GUCY1A2: variants seen among roughly 807,000 people sequenced by gnomAD.
GUCY1A2 encodes guanylate cyclase 1 soluble subunit alpha 2.
In GUCY1A2, 27 loss-of-function variants were observed where a neutral mutation model predicts 63.5. The observed-to-expected ratio is 0.43, with a 90% CI of 0.31 to 0.59. GUCY1A2 has a LOEUF of 0.59. Among genes scored for constraint, GUCY1A2 ranks in the 20% least tolerant of loss-of-function variants. GUCY1A2 has a pLI of 0.11. For synonymous variants in GUCY1A2, 364 were observed against 343.5 expected, an observed-to-expected ratio of 1.06 and a Z score of -0.66; for missense variants, 768 against 913.3, an observed-to-expected ratio of 0.84 and a Z score of 2.05.
Position 106,682,594 on chromosome 11 carries a change from A to G in GUCY1A2, c.*4955T>C, listed in dbSNP as rs750561773. 3 of 212,518 alleles carry G rather than the reference A, an allele frequency of 1.4e-5. No individual in the cohort carries two copies. Among genetic ancestry groups the G allele is most frequent in the African/African-American group, 4.5e-5 (2 of 44,206 alleles). 13.2% of individuals were successfully genotyped at this position (212,518 alleles called of 1,614,324 possible). A position where few individuals can be genotyped will look rare whatever the true frequency, so the allele number is the denominator to read the frequency against. On this transcript the variant is annotated 3_prime_UTR_variant, in exon 8 of 8. Transcript: ENST00000526355. ...ACTGAAACCGTGATCTGGTTATAAC[A>G]TATTAGAAATAAAGACACAAACTTT... is the stretch of plus-strand genomic sequence containing the variant.
At chr11:106,829,454 G>T (rs1859021890) in intron 4 of GUCY1A2, among the ~76,000 whole-genome samples, 1 of 152,092 alleles carries the variant, frequency 6.6e-6, no homozygotes, top group Non-Finnish European at 1.5e-5. Flanking sequence ...CTGATCACAT[G>T]GTCTCTCAGG....
rs1355159941 is a variant in GUCY1A2, at chr11:106,675,152, TAATC to T, written c.*12393_*12396del. ...ATATGTATTATTTCTGGAATGCACTTAATCAGTATTTTAAAAGCATAATGAGACA... is the reference window on the plus strand; with the variant it reads ...ATATGTATTATTTCTGGAATGCACTTAGTATTTTAAAAGCATAATGAGACA... On this transcript the variant is annotated 3_prime_UTR_variant, in exon 8 of 8. Coordinates refer to ENST00000526355, the MANE Select transcript of GUCY1A2 (RefSeq NM_000855.3). 1 of 211,930 alleles carries T rather than the reference TAATC, an allele frequency of 4.7e-6. No individual in the cohort carries two copies. Among genetic ancestry groups the T allele is most frequent in the African/African-American group, 2.3e-5 (1 of 44,192 alleles). The allele number at this position is 211,930 out of a possible 1,614,324, so 13.1% of individuals were successfully genotyped here.
chr11:106,778,609 G>A (rs573149122), intron 5 of GUCY1A2, among the ~76,000 whole-genome samples: 3 of 151,926 alleles, frequency 2.0e-5, no homozygotes, highest in Admixed American at 6.6e-5. Context: ...TGCAGTGAGC[G>A]GAGATCACGC....
intron 6 of GUCY1A2, among the ~76,000 whole-genome samples, chr11:106,720,823 GA>G (rs550879021): frequency 9.7e-4 from 148 of 152,140 alleles, no homozygotes; most frequent in African/African-American, 3.3e-3. Context: ...AACATTAGGG[GA>G]AAATTAAGAA....
intron 4 of GUCY1A2, among the ~76,000 whole-genome samples, chr11:106,817,134 C>A (rs568828279): frequency 6.6e-6 from 1 of 151,918 alleles, no homozygotes; most frequent in African/African-American, 2.4e-5. Context: ...AAGTTAATGA[C>A]GAAATAATTC....
chr11:106,779,120 T>C (rs998788290), intron 5 of GUCY1A2, among the ~76,000 whole-genome samples: 1 of 152,144 alleles, frequency 6.6e-6, no homozygotes, highest in South Asian at 2.1e-4. Context: ...GCAAAACTTA[T>C]CACTTGATCA....
Position 106,676,960 on chromosome 11 carries a change from T to C in GUCY1A2, c.*10589A>G, listed in dbSNP as rs543223124. The C allele has an allele frequency of 9.5e-6, 2 of 211,128 alleles. No homozygotes were observed. The highest frequency in any genetic ancestry group is 3.7e-4 in the South Asian group (2 of 5,340). The allele number at this position is 211,128 out of a possible 1,614,324, so 13.1% of individuals were successfully genotyped here. On this transcript the variant is annotated 3_prime_UTR_variant, in exon 8 of 8. Transcript: ENST00000526355. ...AGATTTTTATAGACCCACATTTCTCTTGACTGACAGTCTCTGGAAGTCAAG... is the reference window on the plus strand; with the variant it reads ...AGATTTTTATAGACCCACATTTCTCCTGACTGACAGTCTCTGGAAGTCAAG...
chr11:106,931,109 A>T (rs1002883551), intron 4 of GUCY1A2, among the ~76,000 whole-genome samples: 1 of 152,234 alleles, frequency 6.6e-6, no homozygotes, highest in Non-Finnish European at 1.5e-5. Context: ...ACTGCATAGG[A>T]AGTACCTTTT....
chr11:106,940,005 C>T lies in GUCY1A2; in HGVS notation c.661G>A (p.Glu221Lys), dbSNP rs1860731857. ...TCTTTGCATAGGAAAGATGGTGACT[C>T]CAGAGTGGCCTGTTTTCCAAAAGAA... ...RTSFGKQATL[E>K]SPSFLCKELP... Residue 221 changes from glutamate to lysine, a missense_variant, in exon 4 of 8, where the codon GAG becomes AAG. Physicochemically the swap from Glu to Lys is moderately conservative, Grantham distance 56. This residue lies in a region of GUCY1A2 where 496 missense variants were observed against 486.9 expected (regional missense o/e 1.02). Transcript: ENST00000526355. 6 of 1,613,904 alleles carry T rather than the reference C, an allele frequency of 3.7e-6. No homozygotes were observed. Among genetic ancestry groups the T allele is most frequent in the South Asian group, 1.1e-5 (1 of 91,090 alleles).
At chr11:106,959,148 A>G (rs1861028158) in intron 3 of GUCY1A2, among the ~76,000 whole-genome samples, 1 of 152,214 alleles carries the variant, frequency 6.6e-6, no homozygotes, top group Non-Finnish European at 1.5e-5. Flanking sequence ...TCATTATGTC[A>G]TTATCCCACT....
chr11:106,865,254 A>G (rs1254269586), intron 4 of GUCY1A2, among the ~76,000 whole-genome samples: 1 of 152,110 alleles, frequency 6.6e-6, no homozygotes, highest in Middle Eastern at 3.4e-3. Context: ...CTCTTTTATC[A>G]TTTTTTATTG....
At chr11:106,738,154 G>A (rs896950044) in intron 6 of GUCY1A2, among the ~76,000 whole-genome samples, 2 of 152,174 alleles carry the variant, frequency 1.3e-5, no homozygotes, top group Non-Finnish European at 2.9e-5. Context: ...CAGTGATGAT[G>A]AGCTTTTTTT....
intron 3 of GUCY1A2, among the ~76,000 whole-genome samples, chr11:106,958,218 A>C (rs1002578515): frequency 6.6e-6 from 1 of 152,184 alleles, no homozygotes; most frequent in Non-Finnish European, 1.5e-5. Context: ...ACATTGATTC[A>C]TGAAGCCATC....
intron 7 of GUCY1A2, among the ~76,000 whole-genome samples, chr11:106,704,948 C>T (rs925616847): frequency 1.3e-5 from 2 of 151,128 alleles, no homozygotes; most frequent in Non-Finnish European, 2.9e-5. Context: ...ATTATGTGCA[C>T]TATTTAAAAT....
At position 106,988,807 on chromosome 11, in the gene GUCY1A2, C is replaced by T. The variant is rs144730651; in HGVS notation, c.304-2676G>A. Among the ~76,000 whole-genome samples, 289 of 152,246 alleles carry T rather than the reference C, an allele frequency of 1.9e-3. 4 individuals are homozygous for T. Among genetic ancestry groups the T allele is most frequent in the African/African-American group, 6.6e-3 (274 of 41,550 alleles). ...GACTTCAACACAGCCCTGGCCCCTC[C>T]GAATATCTTATCACCATGGATTCAT... is the stretch of plus-strand genomic sequence containing the variant. On this transcript the variant is annotated intron_variant, in intron 1 of 7. Coordinates refer to ENST00000526355, the MANE Select transcript of GUCY1A2 (RefSeq NM_000855.3).
At chr11:106,940,909 T>C (rs1323204295) in intron 3 of GUCY1A2, among the ~76,000 whole-genome samples, 3 of 152,202 alleles carry the variant, frequency 2.0e-5, no homozygotes, top group Non-Finnish European at 4.4e-5. Flanking sequence ...ACATCCATAT[T>C]ATCATCTTAC....
intron 5 of GUCY1A2, among the ~76,000 whole-genome samples, chr11:106,792,183 C>T (rs546823578): frequency 9.3e-4 from 141 of 152,010 alleles, no homozygotes; most frequent in African/African-American, 3.2e-3. Context: ...GTCAGGAGTT[C>T]GAGACCAGCT....
chr11:106,906,986 A>G (rs989099212), intron 4 of GUCY1A2, among the ~76,000 whole-genome samples: 2 of 152,134 alleles, frequency 1.3e-5, no homozygotes, highest in African/African-American at 4.8e-5. Context: ...CTTAATATAG[A>G]TGACAGGTTG....
At chr11:106,809,870 A>C in intron 5 of GUCY1A2, 123 bp downstream of exon 5, 1 of 638,170 alleles carries the variant, frequency 1.6e-6, no homozygotes, top group Admixed American at 3.0e-5. Flanking sequence ...TATTATCTAT[A>C]AAATTTCTAA....
Sources: gnomAD v4.1 joint callset for allele counts (sites outside exome capture counted in the v4.1 genomes callset) on GRCh38, gnomAD v4.1.1 for gene constraint, gnomAD v4.1.1 regional missense constraint, MANE v1.5 for transcripts, NCBI Gene and HGNC (gene_info 2026-07-23, HGNC 2026-07-21) for gene names.